Variants in PDE1A observed in about 807,000 individuals in gnomAD.
PDE1A encodes dual specificity calcium/calmodulin-dependent 3',5'-cyclic nucleotide phosphodiesterase 1A.
Under a neutral mutation model 61.7 loss-of-function variants are expected in PDE1A, and 35 were observed. The ratio of observed to expected loss-of-function variants is 0.57; its 90% CI spans 0.43 to 0.75. The LOEUF (loss-of-function observed/expected upper bound fraction) is 0.75, where lower values mean the gene tolerates loss of function less well. Ranked by LOEUF, PDE1A falls within the 30% of genes least tolerant of loss-of-function variation. The probability of loss-of-function intolerance (pLI) is 0.00; values close to 1 mark genes in which losing one functional copy is unlikely to be tolerated. For missense variants in PDE1A, 597 were observed against 630.6 expected (o/e 0.95, Z 0.57); for synonymous variants, 232 against 213.2 (o/e 1.09, Z -0.77).
intron 2 of PDE1A, among the ~76,000 whole-genome samples, chr2:182,485,376 T>A (rs1687951617): frequency 1.3e-5 from 2 of 151,720 alleles, no homozygotes; most frequent in South Asian, 2.1e-4. Flanking sequence ...GGGCAATGGG[T>A]GGGAGGAGAG....
the PDE1A span, among the ~76,000 whole-genome samples, chr2:182,561,661 C>G: frequency 6.6e-6 from 1 of 152,130 alleles, no homozygotes; most frequent in Non-Finnish European, 1.5e-5. Flanking sequence ...TGGCCATTTT[C>G]ACGATATTGA....
exon 14 of PDE1A, chr2:182,147,139 A>G: frequency 1.3e-6 from 2 of 1,597,094 alleles, no homozygotes; most frequent in South Asian, 1.1e-5. Flanking sequence ...AGTTCTTATG[A>G]AGATCAGATT....
chr2:182,395,513 A>G (rs1291555128), intron 1 of PDE1A, among the ~76,000 whole-genome samples: 1 of 152,132 alleles, frequency 6.6e-6, no homozygotes, highest in Non-Finnish European at 1.5e-5. Context: ...ATTCCTTCTA[A>G]GGTGAAAGAT....
intron 1 of PDE1A, among the ~76,000 whole-genome samples, chr2:182,364,952 C>T (rs930290767): frequency 2.0e-5 from 3 of 151,990 alleles, no homozygotes; most frequent in African/African-American, 7.2e-5. Context: ...TGCTCTAACC[C>T]TTATCTGGTT....
intron 2 of PDE1A, among the ~76,000 whole-genome samples, chr2:182,484,987 C>G (rs1223911039): frequency 6.6e-6 from 1 of 151,968 alleles, no homozygotes; most frequent in East Asian, 1.9e-4. Context: ...AGCAGGCTTA[C>G]CATTCAACCC....
At chr2:182,272,191 G>T (rs948814033) in intron 1 of PDE1A, among the ~76,000 whole-genome samples, 1 of 152,092 alleles carries the variant, frequency 6.6e-6, no homozygotes, top group African/African-American at 2.4e-5. Flanking sequence ...AATTATCAAA[G>T]AAATAGTCAC....
chr2:182,191,845 T>TA (rs1685717699), intron 10 of PDE1A, among the ~76,000 whole-genome samples: 1 of 116,264 alleles, frequency 8.6e-6, no homozygotes, highest in Non-Finnish European at 2.1e-5. Flanking sequence ...TGATTTACTT[T>TA]CTTTTTTTTT....
At chr2:182,691,074 G>T in the PDE1A span, among the ~76,000 whole-genome samples, 1 of 152,186 alleles carries the variant, frequency 6.6e-6, no homozygotes, top group Non-Finnish European at 1.5e-5. Context: ...TGGGTAGGAA[G>T]ACTCAATATT....
intron 1 of PDE1A, among the ~76,000 whole-genome samples, chr2:182,344,756 A>C: frequency 6.6e-6 from 1 of 151,666 alleles, no homozygotes; most frequent in Non-Finnish European, 1.5e-5. Context: ...TCTCTCACAC[A>C]CACACACACA....
At chr2:182,564,450 G>T in the PDE1A span, among the ~76,000 whole-genome samples, 13 of 152,264 alleles carry the variant, frequency 8.5e-5, no homozygotes, top group Non-Finnish European at 1.5e-4. Flanking sequence ...GCTTCCCTTT[G>T]TGGGTAACCC....
At chr2:182,444,489 C>A (rs1685005255) in intron 2 of PDE1A, among the ~76,000 whole-genome samples, 1 of 152,064 alleles carries the variant, frequency 6.6e-6, no homozygotes, top group Non-Finnish European at 1.5e-5. Context: ...GTATTCCATA[C>A]ATTTCTTTAA....
intron 2 of PDE1A, among the ~76,000 whole-genome samples, chr2:182,442,356 A>T (rs1372154266): frequency 6.6e-6 from 1 of 152,092 alleles, no homozygotes; most frequent in East Asian, 1.9e-4. Context: ...TAAAAGACCC[A>T]AGAGAACTGA....
intron 1 of PDE1A, among the ~76,000 whole-genome samples, chr2:182,323,333 C>T (rs1696822208): frequency 6.6e-6 from 1 of 152,180 alleles, no homozygotes; most frequent in Non-Finnish European, 1.5e-5. Context: ...CCCATTTCTT[C>T]TCTCCAAATA....
intron 1 of PDE1A, among the ~76,000 whole-genome samples, chr2:182,390,116 T>G (rs538941909): frequency 2.4e-4 from 37 of 152,278 alleles, no homozygotes; most frequent in Non-Finnish European, 4.3e-4. Flanking sequence ...TACTCCTTAA[T>G]AAACTCCTCA....
At chr2:182,512,857 G>C (rs1689891953) in intron 2 of PDE1A, among the ~76,000 whole-genome samples, 1 of 152,140 alleles carries the variant, frequency 6.6e-6, no homozygotes, top group African/African-American at 2.4e-5. Flanking sequence ...GAATCTCACA[G>C]CTCAAAGTCC....
At chr2:182,693,818 T>C in the PDE1A span, among the ~76,000 whole-genome samples, 4 of 152,034 alleles carry the variant, frequency 2.6e-5, no homozygotes, top group Non-Finnish European at 5.9e-5. Flanking sequence ...AACTAATTTT[T>C]GTATTTTTAG....
chr2:182,582,208 G>A, the PDE1A span, among the ~76,000 whole-genome samples: 1 of 152,188 alleles, frequency 6.6e-6, no homozygotes, highest in African/African-American at 2.4e-5. Flanking sequence ...CTTCCAAGGA[G>A]TTGGAAATAT....
chr2:182,152,705 G>A (rs1209191385), intron 13 of PDE1A, among the ~76,000 whole-genome samples: 4 of 152,144 alleles, frequency 2.6e-5, no homozygotes, highest in African/African-American at 9.7e-5. Flanking sequence ...ACAGGTGTGA[G>A]CCACTGTGCC....
At chr2:182,403,941 C>T (rs942088406) in intron 1 of PDE1A, among the ~76,000 whole-genome samples, 2 of 151,820 alleles carry the variant, frequency 1.3e-5, no homozygotes, top group African/African-American at 4.8e-5. Context: ...ACGTAACAAA[C>T]CTGCACATTC....
Sources: allele counts gnomAD v4.1 joint callset (sites outside exome capture counted in the v4.1 genomes callset), GRCh38; gene constraint gnomAD v4.1.1; transcripts MANE v1.5; gene names NCBI Gene and HGNC (gene_info 2026-07-23, HGNC 2026-07-21).